SHISA5: variants seen among roughly 807,000 people sequenced by gnomAD.
SHISA5 encodes protein shisa-5.
SHISA5 carries 21 observed loss-of-function variants against 27.5 expected under a neutral mutation model. That is an observed-to-expected ratio of 0.76 (90% confidence interval 0.54 to 1.10). SHISA5 has a LOEUF of 1.10. Ranked by LOEUF, SHISA5 falls within the 50% of genes least tolerant of loss-of-function variation. The pLI, the probability that SHISA5 is intolerant of heterozygous loss-of-function variation, is 0.00. For synonymous variants in SHISA5, 137 were observed against 142.2 expected, an observed-to-expected ratio of 0.96 and a Z score of 0.26; for missense variants, 314 against 336.3, an observed-to-expected ratio of 0.93 and a Z score of 0.52.
intron 2 of SHISA5, among the ~76,000 whole-genome samples, chr3:48,497,179 C>A (rs2041578080): frequency 6.6e-6 from 1 of 151,126 alleles, no homozygotes; most frequent in South Asian, 2.1e-4. Context: ...TTGCAGTGAG[C>A]CGAGATCATG....
At chr3:48,501,019 C>G in intron 2 of SHISA5, 118 bp downstream of exon 2, 4 of 1,204,022 alleles carry the variant, frequency 3.3e-6, no homozygotes, top group Non-Finnish European at 4.6e-6. Flanking sequence ...CTCCAATGCT[C>G]TGGCCACCAT....
Position 48,468,794 on chromosome 3 carries a change from T to C in SHISA5, c.*313A>G, listed in dbSNP as rs1250025323. ...GATGTGCCCTGGAGAGGCCCCCACC[T>C]CTCAGGGGCCACCTCACAGGGTGCC... On this transcript the variant is annotated 3_prime_UTR_variant, in exon 6 of 6. Transcript: ENST00000296444. 1 of 1,431,778 alleles carries C rather than the reference T, an allele frequency of 7.0e-7. No individual in the cohort carries two copies. Among genetic ancestry groups the C allele is most frequent in the South Asian group, 1.2e-5 (1 of 82,978 alleles). 88.7% of individuals were successfully genotyped at this position (1,431,778 alleles called of 1,614,324 possible). A position where few individuals can be genotyped will look rare whatever the true frequency, so the allele number is the denominator to read the frequency against.
At chr3:48,494,537 C>A (rs1324675945) in intron 2 of SHISA5, among the ~76,000 whole-genome samples, 1 of 146,380 alleles carries the variant, frequency 6.8e-6, no homozygotes, top group South Asian at 2.1e-4. Context: ...TCGTGATCCA[C>A]CCCCCCTTGG....
intron 2 of SHISA5, among the ~76,000 whole-genome samples, chr3:48,483,332 C>T (rs1247306965): frequency 2.0e-5 from 3 of 152,190 alleles, no homozygotes; most frequent in South Asian, 2.1e-4. Context: ...TAACAAAGCA[C>T]ATCTTGCACC....
At chr3:48,484,919 C>CA (rs1394789112) in intron 2 of SHISA5, among the ~76,000 whole-genome samples, 2 of 152,090 alleles carry the variant, frequency 1.3e-5, no homozygotes. Flanking sequence ...AGGCCAGGTG[C>CA]AATGGCTCGT....
chr3:48,487,488 T>C (rs980633863), intron 2 of SHISA5, among the ~76,000 whole-genome samples: 1 of 152,228 alleles, frequency 6.6e-6, no homozygotes, highest in African/African-American at 2.4e-5. Flanking sequence ...TTGTCTTTCC[T>C]AGGTATTTGA....
intron 2 of SHISA5, among the ~76,000 whole-genome samples, chr3:48,495,776 C>G (rs2041532707): frequency 6.8e-6 from 1 of 147,516 alleles, no homozygotes; most frequent in South Asian, 2.1e-4. Flanking sequence ...CCACCTCAGC[C>G]TTCCAAAGTG....
chr3:48,493,391 C>T (rs2041480705), intron 2 of SHISA5, among the ~76,000 whole-genome samples: 1 of 146,724 alleles, frequency 6.8e-6, no homozygotes, highest in South Asian at 2.1e-4. Context: ...GACTGTGCCG[C>T]TGCAGTGAGC....
intron 2 of SHISA5, among the ~76,000 whole-genome samples, chr3:48,496,480 C>T (rs906943080): frequency 2.6e-5 from 4 of 151,872 alleles, no homozygotes; most frequent in African/African-American, 4.8e-5. Context: ...CCTGTAGTCC[C>T]GGCTACATGG....
Position 48,504,005 on chromosome 3 carries a change from C to G in SHISA5, c.76+14G>C. On this transcript the variant is annotated intron_variant, in intron 1 of 5. Coordinates refer to ENST00000296444, the MANE Select transcript of SHISA5 (RefSeq NM_016479.6). The surrounding 1 kb of genome is among the most constrained non-coding windows in gnomAD (Gnocchi z 4.0). ...GTCCCAGGGCAGGACGGGCCGCCCC[C>G]ACCCCCGGCTCACCACCCGGAGGCG... The G allele has an allele frequency of 6.8e-7, 1 of 1,462,464 alleles. No individual in the cohort carries two copies. The highest frequency in any genetic ancestry group is 9.1e-7 in the Non-Finnish European group (1 of 1,104,240). 90.6% of individuals were successfully genotyped at this position (1,462,464 alleles called of 1,614,324 possible). A position where few individuals can be genotyped will look rare whatever the true frequency, so the allele number is the denominator to read the frequency against.
chr3:48,468,966 G>A lies in SHISA5; in HGVS notation c.*141C>T, dbSNP rs1184739040. The A allele has an allele frequency of 1.9e-6, 3 of 1,561,210 alleles. No individual in the cohort carries two copies. The African/African-American group carries it at 4.0e-5, about 21-fold the overall frequency. On this transcript the variant is annotated 3_prime_UTR_variant, in exon 6 of 6. Coordinates refer to ENST00000296444, the MANE Select transcript of SHISA5 (RefSeq NM_016479.6). ...TCAGAGGAAGCCACATATACAGGCA[G>A]GACACACACAGCACACATGGGGCGT...
chr3:48,492,197 G>T (rs913358255), intron 2 of SHISA5, among the ~76,000 whole-genome samples: 1 of 138,312 alleles, frequency 7.2e-6, no homozygotes, highest in East Asian at 2.3e-4. Flanking sequence ...AAGGCCAGGC[G>T]CGGTGGCTCA....
Position 48,468,092 on chromosome 3 carries a change from C to G in SHISA5, c.*1015G>C. The stretch of plus-strand genomic sequence containing the variant: ...GTCCCTGCTGCCAGAACACCGTGGA[C>G]TGGGGTACAGGAGTTGTTGCATATT... On this transcript the variant is annotated 3_prime_UTR_variant, in exon 6 of 6. Coordinates refer to ENST00000296444, the MANE Select transcript of SHISA5 (RefSeq NM_016479.6). 1 of 959,674 alleles carries G rather than the reference C, an allele frequency of 1.0e-6. No individual in the cohort carries two copies. 59.4% of individuals were successfully genotyped at this position (959,674 alleles called of 1,614,324 possible). A position where few individuals can be genotyped will look rare whatever the true frequency, so the allele number is the denominator to read the frequency against.
At chr3:48,472,930 C>A in intron 3 of SHISA5, 2 of 1,380,128 alleles carry the variant, frequency 1.4e-6, no homozygotes, top group South Asian at 2.5e-5. Flanking sequence ...GACATGCGAC[C>A]GCAAGGCCGT....
At chr3:48,489,065 A>T (rs769618417) in intron 2 of SHISA5, among the ~76,000 whole-genome samples, 2 of 152,096 alleles carry the variant, frequency 1.3e-5, no homozygotes, top group Non-Finnish European at 2.9e-5. Context: ...GCTGTCGGAC[A>T]TCTAAGATCC....
intron 2 of SHISA5, among the ~76,000 whole-genome samples, chr3:48,483,057 T>C (rs1560126542): frequency 6.6e-6 from 1 of 151,890 alleles, no homozygotes. Context: ...CCCAAGTAGC[T>C]GGGACTACAG....
chr3:48,482,734 C>T (rs2107330841), intron 2 of SHISA5, among the ~76,000 whole-genome samples: 1 of 152,036 alleles, frequency 6.6e-6, no homozygotes, highest in Admixed American at 6.6e-5. Flanking sequence ...CTCCCAGGTT[C>T]AAGCGATTCT....
chr3:48,498,933 T>G (rs2041663932), intron 2 of SHISA5, among the ~76,000 whole-genome samples: 1 of 150,888 alleles, frequency 6.6e-6, no homozygotes, highest in African/African-American at 2.4e-5. Context: ...AAATACAAAA[T>G]TAGCCGGGCG....
At chr3:48,494,538 C>T (rs980301139) in intron 2 of SHISA5, among the ~76,000 whole-genome samples, 1 of 147,372 alleles carries the variant, frequency 6.8e-6, no homozygotes, top group African/African-American at 2.7e-5. Context: ...CGTGATCCAC[C>T]CCCCCTTGGC....
Sources: allele counts gnomAD v4.1 joint callset (sites outside exome capture counted in the v4.1 genomes callset), GRCh38; gene constraint gnomAD v4.1.1; non-coding constraint Gnocchi (gnomAD v3.1); transcripts MANE v1.5; gene names NCBI Gene and HGNC (gene_info 2026-07-23, HGNC 2026-07-21).